SNX31: variants seen among roughly 807,000 people sequenced by gnomAD.
SNX31 encodes the protein sorting nexin-31.
SNX31 carries 58 observed loss-of-function variants against 65.4 expected under a neutral mutation model. That is an observed-to-expected ratio of 0.89 (90% CI 0.72 to 1.10). The LOEUF is 1.10. Among genes scored for constraint, SNX31 ranks in the 50% least tolerant of loss-of-function variants. The pLI, the probability that SNX31 is intolerant of heterozygous loss-of-function variation, is 0.00. For synonymous variants in SNX31, 181 were observed against 190.1 expected (o/e 0.95, Z 0.39); for missense variants, 523 against 529.7 (o/e 0.99, Z 0.12).
At chr8:100,631,612 A>G (rs1022465189) in intron 3 of SNX31, among the ~76,000 whole-genome samples, 1 of 151,784 alleles carries the variant, frequency 6.6e-6, no homozygotes, top group Non-Finnish European at 1.5e-5. Context: ...CTGTTTTACT[A>G]ATTTTATCAA....
In SNX31 at chr8:100,649,662, A is replaced by C; in HGVS notation, c.-148T>G. On this transcript the variant is annotated 5_prime_UTR_variant, in exon 1 of 14. An upstream start codon of the reference 5' UTR is lost. Coordinates refer to ENST00000311812, the MANE Select transcript of SNX31 (RefSeq NM_152628.4). ...GCGCCCGCTCTCGCCGGCCGGGGAC[A>C]TCTACAGGTGGGGCCGGGGCCGGGC... The C allele has an allele frequency of 1.4e-6, 1 of 708,270 alleles. No homozygotes were observed. Among genetic ancestry groups the C allele is most frequent in the East Asian group, 3.1e-5 (1 of 32,140 alleles). 43.9% of individuals were successfully genotyped at this position (708,270 alleles called of 1,614,324 possible).
In SNX31 at chr8:100,625,193, A is replaced by G. The variant is rs1318573332; in HGVS notation, c.321+5134T>C. Among the ~76,000 whole-genome samples, 1 of 152,188 alleles carries G rather than the reference A, an allele frequency of 6.6e-6. No homozygotes were observed. The highest frequency in any genetic ancestry group is 1.5e-5 in the Non-Finnish European group (1 of 68,034). ...AAACTAACAAAAATACATTCATTTT[A>G]AAGAAACCTCAAAATCCTCCAATAC... On this transcript the variant is annotated intron_variant, in intron 4 of 13. Transcript: ENST00000311812. This position sits in a 1 kb window ranked among gnomAD's most constrained non-coding sequence, Gnocchi z 4.2.
chr8:100,630,509 G>T lies in SNX31; in HGVS notation c.257-118C>A. ...GCCAGTGCTCTGTCTCCTCCCTGAAGTGATAAATGTTGAAACCTCTCAAAT... is the reference window on the plus strand; with the variant it reads ...GCCAGTGCTCTGTCTCCTCCCTGAATTGATAAATGTTGAAACCTCTCAAAT... On this transcript the variant is annotated intron_variant, in intron 3 of 13. Transcript: ENST00000311812. The surrounding 1 kb of genome is among the most constrained non-coding windows in gnomAD (Gnocchi z 5.3). The T allele has an allele frequency of 1.3e-6, 1 of 795,608 alleles. No homozygotes were observed. Among genetic ancestry groups the T allele is most frequent in the Non-Finnish European group, 2.0e-6 (1 of 510,490 alleles). 49.3% of individuals were successfully genotyped at this position (795,608 alleles called of 1,614,324 possible). A position where few individuals can be genotyped will look rare whatever the true frequency, so the allele number is the denominator to read the frequency against.
chr8:100,646,183 C>G (rs191647344), intron 2 of SNX31, among the ~76,000 whole-genome samples: 1 of 152,054 alleles, frequency 6.6e-6, no homozygotes, highest in Non-Finnish European at 1.5e-5. Context: ...TACTAACATG[C>G]GCGGGAGTCT....
chr8:100,639,861 C>T (rs1197711558), intron 2 of SNX31, among the ~76,000 whole-genome samples: 1 of 151,952 alleles, frequency 6.6e-6, no homozygotes, highest in Non-Finnish European at 1.5e-5. Context: ...TAAGATGGGC[C>T]TGGAGTACCT....
chr8:100,588,834 G>GACAGCATTTCAGCAC lies in SNX31; in HGVS notation c.1092+31_1092+32insGTGCTGAAATGCTGT. The stretch of plus-strand genomic sequence containing the variant: ...GCAAGCAAGACAGCATTTCAGCACA[G>GACAGCATTTCAGCAC]AGGGTGTTCAAGGTCTGCCCTGAGA... On this transcript the variant is annotated intron_variant, in intron 11 of 13. Coordinates refer to ENST00000311812, the MANE Select transcript of SNX31 (RefSeq NM_152628.4). This position sits in a 1 kb window ranked among gnomAD's most constrained non-coding sequence, Gnocchi z 4.8. 6.7e-7 allele frequency: 1 copy of GACAGCATTTCAGCAC among 1,497,976 alleles called. No individual in the cohort carries two copies. 92.8% of individuals were successfully genotyped at this position (1,497,976 alleles called of 1,614,324 possible). A position where few individuals can be genotyped will look rare whatever the true frequency, so the allele number is the denominator to read the frequency against.
intron 4 of SNX31, among the ~76,000 whole-genome samples, chr8:100,620,196 G>T (rs531683504): frequency 6.6e-6 from 1 of 152,170 alleles, no homozygotes; most frequent in Non-Finnish European, 1.5e-5. Flanking sequence ...GACCAATCAG[G>T]AGATTACTGG....
upstream of SNX31, among the ~76,000 whole-genome samples, chr8:100,649,952 G>GT (rs1041313047): frequency 1.3e-5 from 2 of 152,208 alleles, no homozygotes; most frequent in Non-Finnish European, 2.9e-5. Context: ...TGTTTGGTCA[G>GT]TTTTTTTGTA....
chr8:100,597,215 T>C (rs764900265), intron 9 of SNX31, among the ~76,000 whole-genome samples: 1 of 150,604 alleles, frequency 6.6e-6, no homozygotes, highest in Non-Finnish European at 1.5e-5. Flanking sequence ...CAGCAGATTA[T>C]AATAGCAAGT....
chr8:100,640,313 A>G (rs1206439880), intron 2 of SNX31, among the ~76,000 whole-genome samples: 6 of 152,084 alleles, frequency 3.9e-5, no homozygotes, highest in Admixed American at 6.6e-5. Flanking sequence ...TTTAGTAGAG[A>G]CGGGGTTTCT....
At chr8:100,585,918 C>A (rs954890578) in intron 11 of SNX31, among the ~76,000 whole-genome samples, 1 of 152,002 alleles carries the variant, frequency 6.6e-6, no homozygotes. Flanking sequence ...GCAAAAGGAT[C>A]GAGTTGTTGT....
upstream of SNX31, among the ~76,000 whole-genome samples, chr8:100,653,884 C>A (rs897054231): frequency 2.0e-5 from 3 of 152,192 alleles, no homozygotes; most frequent in Non-Finnish European, 4.4e-5. Context: ...GGACAGTGTC[C>A]TGAATGTAGT....
At chr8:100,584,070 G>T in intron 12 of SNX31, 41 bp downstream of exon 12, 1 of 1,570,584 alleles carries the variant, frequency 6.4e-7, no homozygotes, top group Non-Finnish European at 8.7e-7. Flanking sequence ...GCTGATAGTG[G>T]GAACGTAAAG....
At chr8:100,646,618 G>C (rs138571422) in intron 2 of SNX31, among the ~76,000 whole-genome samples, 2 of 152,256 alleles carry the variant, frequency 1.3e-5, no homozygotes, top group African/African-American at 4.8e-5. Context: ...TGTCATAGTA[G>C]TACATTTTGG....
chr8:100,619,085 C>T (rs979278100), intron 4 of SNX31: 2 of 152,068 alleles, frequency 1.3e-5, no homozygotes, highest in African/African-American at 2.4e-5. Context: ...GTGACCAGTC[C>T]GCATCCTGAT....
intron 10 of SNX31, among the ~76,000 whole-genome samples, chr8:100,590,963 G>A (rs929827904): frequency 6.6e-6 from 1 of 152,124 alleles, no homozygotes; most frequent in African/African-American, 2.4e-5. Context: ...CAAAGACAGG[G>A]AACCCAAACA....
In SNX31 at chr8:100,578,959, T is replaced by C. The variant is rs898916227; in HGVS notation, c.1171-1884A>G. ...CTGGTCTCAAACTCCTGACCTCAAG[T>C]GATCCACCTGCCTCGGCCTCCCAAA... On this transcript the variant is annotated intron_variant, in intron 12 of 13. Transcript: ENST00000311812. This position sits in a 1 kb window ranked among gnomAD's most constrained non-coding sequence, Gnocchi z 4.7. Among the ~76,000 whole-genome samples the C allele has an allele frequency of 9.2e-5, 14 of 152,096 alleles. No individual in the cohort carries two copies. The highest frequency in any genetic ancestry group is 9.2e-4 in the Admixed American group (14 of 15,258).
rs188372535 is a variant in SNX31, at chr8:100,598,680, A to G, written c.774+1669T>C. 4.3e-3 allele frequency among the ~76,000 whole-genome samples: 648 copies of G among 150,040 alleles called. 10 individuals carry two copies. Among genetic ancestry groups the G allele is most frequent in the Non-Finnish European group, 6.4e-3 (434 of 68,016 alleles). On this transcript the variant is annotated intron_variant, in intron 9 of 13. Transcript: ENST00000311812. Reference sequence around the variant, plus strand: ...AAATTAGTTAAGATTGTACCTAAAAAAGACAATTTAACATACACAGCTGCA... The same window carrying G: ...AAATTAGTTAAGATTGTACCTAAAAGAGACAATTTAACATACACAGCTGCA...
chr8:100,574,022 C>A (rs1812830855), intron 13 of SNX31, 62 bp from the exon 14 acceptor site: 7 of 1,005,660 alleles, frequency 7.0e-6, no homozygotes, highest in Non-Finnish European at 1.0e-5. Flanking sequence ...ATAACAATAA[C>A]AAAGTCACAG....
Sources: gnomAD v4.1 joint callset for allele counts (sites outside exome capture counted in the v4.1 genomes callset) on GRCh38, gnomAD v4.1.1 for gene constraint, Gnocchi (gnomAD v3.1) non-coding constraint, MANE v1.5 for transcripts, NCBI Gene and HGNC (gene_info 2026-07-23, HGNC 2026-07-21) for gene names.